ITPR1: variants seen among roughly 807,000 people sequenced by gnomAD.
ITPR1 encodes inositol 1,4,5-trisphosphate-gated calcium channel ITPR1.
ITPR1 carries 96 observed loss-of-function variants against 318.4 expected under a neutral mutation model. The ratio of observed to expected loss-of-function variants is 0.30; its 90% confidence interval spans 0.26 to 0.36. The LOEUF (loss-of-function observed/expected upper bound fraction) is 0.36. Among genes scored for constraint, ITPR1 ranks in the 10% least tolerant of loss-of-function variants. ITPR1 has a pLI of 1.00. For synonymous variants in ITPR1, 1,312 were observed against 1,289.9 expected, an observed-to-expected ratio of 1.02 and a Z score of -0.37; for missense variants, 2,440 against 3,460.2, an observed-to-expected ratio of 0.71 and a Z score of 7.40.
At chr3:4,543,634 G>A (rs1299045577) in intron 4 of ITPR1, among the ~76,000 whole-genome samples, 2 of 152,076 alleles carry the variant, frequency 1.3e-5, no homozygotes, top group Admixed American at 1.3e-4. Context: ...GTAGAGATGG[G>A]GTTTCACCCT....
intron 60 of ITPR1, chr3:4,825,938 G>A (rs58386249): frequency 1.7e-4 from 61 of 367,754 alleles, no homozygotes; most frequent in African/African-American, 1.1e-3. Flanking sequence ...CCGGAGCCAC[G>A]AAATGAGCCT....
chr3:4,736,309 T>C (rs1435033743), intron 44 of ITPR1, among the ~76,000 whole-genome samples: 1 of 152,250 alleles, frequency 6.6e-6, no homozygotes, highest in Admixed American at 6.5e-5. Context: ...ATTCGGAGTC[T>C]CGGTTAATGA....
At chr3:4,833,239 G>A (rs2050644721) in intron 60 of ITPR1, among the ~76,000 whole-genome samples, 1 of 152,212 alleles carries the variant, frequency 6.6e-6, no homozygotes, top group Admixed American at 6.5e-5. Flanking sequence ...GAAAGAAGGT[G>A]AGGAAAATTC....
intron 60 of ITPR1, among the ~76,000 whole-genome samples, chr3:4,823,023 T>C (rs1008853622): frequency 6.6e-6 from 1 of 152,266 alleles, no homozygotes; most frequent in African/African-American, 2.4e-5. Context: ...GTAATTTATA[T>C]GCTGCATACC....
chr3:4,724,309 A>G (rs557981048), intron 40 of ITPR1: 11 of 152,392 alleles, frequency 7.2e-5, no homozygotes, highest in African/African-American at 2.2e-4. Context: ...ATTAGATTAC[A>G]TAATATAGCA....
intron 4 of ITPR1, among the ~76,000 whole-genome samples, chr3:4,612,812 A>C (rs545977287): frequency 1.2e-4 from 18 of 152,244 alleles, no homozygotes; most frequent in African/African-American, 3.6e-4. Context: ...GCTTGAACCC[A>C]GGAGGCGGAG....
chr3:4,574,160 G>A (rs2088353438), intron 4 of ITPR1, among the ~76,000 whole-genome samples: 1 of 150,134 alleles, frequency 6.7e-6, no homozygotes, highest in South Asian at 2.1e-4. Context: ...GGCTATTATT[G>A]TTCATGAGGT....
At chr3:4,622,458 T>C (rs910508361) in intron 4 of ITPR1, among the ~76,000 whole-genome samples, 10 of 148,104 alleles carry the variant, frequency 6.8e-5, no homozygotes, top group African/African-American at 2.3e-4. Flanking sequence ...GGAGTCTTGC[T>C]CTGTCGCCAG....
At chr3:4,580,249 CATAT>C (rs2089186618) in intron 4 of ITPR1, among the ~76,000 whole-genome samples, 1 of 152,072 alleles carries the variant, frequency 6.6e-6, no homozygotes, top group African/African-American at 2.4e-5. Context: ...TTTTTTAAAG[CATAT>C]ATGGTTCACG....
intron 4 of ITPR1, among the ~76,000 whole-genome samples, chr3:4,534,752 T>C (rs2083707979): frequency 6.6e-6 from 1 of 152,238 alleles, no homozygotes. Flanking sequence ...TTATCAGTGA[T>C]GACACTTATA....
chr3:4,661,943 T>A, intron 14 of ITPR1, 139 bp from the exon 15 acceptor site: 1 of 603,866 alleles, frequency 1.7e-6, no homozygotes, highest in Non-Finnish European at 2.7e-6. Context: ...TCCTTGTAGA[T>A]TTTTTTCCTA....
intron 2 of ITPR1, among the ~76,000 whole-genome samples, chr3:4,501,293 A>C (rs1244922457): frequency 6.6e-6 from 1 of 152,164 alleles, no homozygotes; most frequent in African/African-American, 2.4e-5. Context: ...ATTGGGTTGT[A>C]AGTTCAATAG....
chr3:4,728,558 C>T (rs2042687746), intron 42 of ITPR1, among the ~76,000 whole-genome samples: 1 of 152,154 alleles, frequency 6.6e-6, no homozygotes, highest in Non-Finnish European at 1.5e-5. Flanking sequence ...ATGGGGTATC[C>T]ATCCCCTCAA....
intron 4 of ITPR1, among the ~76,000 whole-genome samples, chr3:4,583,351 T>G (rs2089550302): frequency 6.6e-6 from 1 of 152,208 alleles, no homozygotes; most frequent in Non-Finnish European, 1.5e-5. Context: ...ACTTTTTTTT[T>G]TCTCACTAAT....
Position 4,826,285 on chromosome 3 carries a change from A to G in ITPR1, c.8028+8043A>G, listed in dbSNP as rs535413107. On this transcript the variant is annotated intron_variant, in intron 60 of 61. Transcript: ENST00000649015. This position sits in a 1 kb window ranked among gnomAD's most constrained non-coding sequence, Gnocchi z 4.2. The stretch of plus-strand genomic sequence containing the variant: ...TGATATTTCAACATTGGTAGTGCTG[A>G]GCAGCAGCTTTCCTTGTGGCCTAAC... Among the ~76,000 whole-genome samples the G allele has an allele frequency of 1.4e-4, 22 of 152,336 alleles. No homozygotes were observed. The highest frequency in any genetic ancestry group is 5.3e-4 in the African/African-American group (22 of 41,572).
At chr3:4,523,411 A>T (rs1169757991) in intron 4 of ITPR1, among the ~76,000 whole-genome samples, 1 of 138,716 alleles carries the variant, frequency 7.2e-6, no homozygotes, top group African/African-American at 2.7e-5. Context: ...TCATATATAC[A>T]TTACCTCACA....
intron 12 of ITPR1, among the ~76,000 whole-genome samples, chr3:4,655,739 ATGTGCCAGCAG>A (rs1174347471): frequency 6.6e-6 from 1 of 152,048 alleles, no homozygotes; most frequent in Non-Finnish European, 1.5e-5. Flanking sequence ...AGAGAGGCGG[ATGTGCCAGCAG>A]CCTTGGGTGC....
intron 40 of ITPR1, among the ~76,000 whole-genome samples, chr3:4,720,608 C>T (rs2042079370): frequency 6.6e-6 from 1 of 152,162 alleles, no homozygotes; most frequent in Non-Finnish European, 1.5e-5. Flanking sequence ...ATCACTGCCT[C>T]CTTGGAACTG....
At position 4,662,142 on chromosome 3, in the gene ITPR1, G is replaced by C; in HGVS notation, c.1312G>C (p.Ala438Pro). Residue 438 changes from alanine to proline, a missense_variant, in exon 15 of 62, where the codon GCT (alanine) becomes CCT (proline). Physicochemically the swap from Ala to Pro is conservative, Grantham distance 27. This residue lies in a region of ITPR1 where 3 missense variants were observed against 20.3 expected (regional missense o/e 0.15). Transcript: ENST00000649015. Reference protein sequence around the residue: ...EAFAIVPVSPAEVRDLDFAND... With the variant: ...EAFAIVPVSPPEVRDLDFAND... ...ATTTGCCATAGTTCCGGTTTCTCCTGCTGAAGTTCGGGACCTGGACTTTGC... is the reference window on the plus strand; with the variant it reads ...ATTTGCCATAGTTCCGGTTTCTCCTCCTGAAGTTCGGGACCTGGACTTTGC... 1 of 1,613,814 alleles carries C rather than the reference G, an allele frequency of 6.2e-7. No individual in the cohort carries two copies. The highest frequency in any genetic ancestry group is 8.5e-7 in the Non-Finnish European group (1 of 1,179,736).
Sources: allele counts gnomAD v4.1 joint callset (sites outside exome capture counted in the v4.1 genomes callset), GRCh38; gene constraint gnomAD v4.1.1; regional missense constraint gnomAD v4.1.1; non-coding constraint Gnocchi (gnomAD v3.1); transcripts MANE v1.5; gene names NCBI Gene and HGNC (gene_info 2026-07-23, HGNC 2026-07-21).